CUL5: variants seen among roughly 807,000 people sequenced by gnomAD.
The protein encoded by CUL5 is cullin-5.
Under a neutral mutation model 108.8 loss-of-function variants are expected in CUL5, and 26 were observed. That is an observed-to-expected ratio of 0.24 (90% confidence interval 0.18 to 0.33). The LOEUF (loss-of-function observed/expected upper bound fraction) is 0.33. CUL5 is among the 10% of genes least tolerant of loss of function. The probability of loss-of-function intolerance (pLI) is 1.00; values close to 1 mark genes in which losing one functional copy is unlikely to be tolerated. For synonymous variants in CUL5, 334 were observed against 298.0 expected (o/e 1.12, Z -1.25); for missense variants, 524 against 909.2 (o/e 0.58, Z 5.45).
chr11:108,095,760 T>C, intron 16 of CUL5, 69 bp downstream of exon 16: 11 of 1,316,206 alleles, frequency 8.4e-6, no homozygotes, highest in Non-Finnish European at 1.2e-5. Context: ...GATTGGCTTG[T>C]AATATATTAG....
At chr11:108,073,307 T>A in intron 9 of CUL5, 83 bp from the exon 10 acceptor site, 1 of 661,044 alleles carries the variant, frequency 1.5e-6, no homozygotes, top group Middle Eastern at 3.9e-4. Flanking sequence ...TAAATGAGTT[T>A]TATTAAAATT....
chr11:108,072,588 G>T (rs1863853049), intron 9 of CUL5, 126 bp downstream of exon 9: 1 of 668,240 alleles, frequency 1.5e-6, no homozygotes, highest in Admixed American at 3.1e-5. Flanking sequence ...TTGGTTAGTG[G>T]GGTATAAAGT....
intron 2 of CUL5, among the ~76,000 whole-genome samples, chr11:108,041,794 G>T (rs548223433): frequency 6.6e-6 from 1 of 152,128 alleles, no homozygotes; most frequent in Admixed American, 6.5e-5. Flanking sequence ...GTTTCATCAT[G>T]TTGGCCAGGC....
intron 11 of CUL5, among the ~76,000 whole-genome samples, chr11:108,080,460 ATC>A (rs1395867391): frequency 1.3e-5 from 2 of 151,536 alleles, no homozygotes; most frequent in African/African-American, 4.9e-5. Context: ...CAGTGGTCTG[ATC>A]TTGTCTTACT....
chr11:108,071,851 G>A (rs1171643338), intron 8 of CUL5, among the ~76,000 whole-genome samples: 1 of 152,072 alleles, frequency 6.6e-6, no homozygotes, highest in African/African-American at 2.4e-5. Flanking sequence ...ACCACACCCA[G>A]CCTGATCACT....
chr11:108,014,536 A>G (rs1862133317), intron 1 of CUL5, among the ~76,000 whole-genome samples: 1 of 152,208 alleles, frequency 6.6e-6, no homozygotes, highest in African/African-American at 2.4e-5. Flanking sequence ...TGGCTTTTAC[A>G]CATAAATAAA....
chr11:108,027,331 G>T lies in CUL5; in HGVS notation c.25-6471G>T, dbSNP rs547882833. Among the ~76,000 whole-genome samples, 47 of 151,740 alleles carry T rather than the reference G, an allele frequency of 3.1e-4. 1 individual carries two copies. In the East Asian group the frequency reaches 9.0e-3, roughly 29 times the overall value. On this transcript the variant is annotated intron_variant, in intron 1 of 18. Coordinates refer to ENST00000393094, the MANE Select transcript of CUL5 (RefSeq NM_003478.6). ...CTGCTGTCCAGGCTGGAGTGCAGTGGCACAATCTTGGCTCACTGCAAACTC... is the reference window on the plus strand; with the variant it reads ...CTGCTGTCCAGGCTGGAGTGCAGTGTCACAATCTTGGCTCACTGCAAACTC...
intron 18 of CUL5, among the ~76,000 whole-genome samples, chr11:108,099,244 A>G (rs1259915521): frequency 1.3e-5 from 2 of 152,114 alleles, no homozygotes; most frequent in Non-Finnish European, 2.9e-5. Flanking sequence ...GGCTCAAGCA[A>G]TATGCCTCCC....
chr11:108,098,664 C>G (rs1383027195), intron 18 of CUL5, 135 bp downstream of exon 18: 4 of 507,242 alleles, frequency 7.9e-6, no homozygotes, highest in Non-Finnish European at 1.2e-5. Context: ...AATCCCAACA[C>G]TTTGGGATGC....
chr11:108,094,127 G>C (rs1002098157), intron 13 of CUL5, among the ~76,000 whole-genome samples: 2 of 152,178 alleles, frequency 1.3e-5, no homozygotes, highest in Admixed American at 1.3e-4. Context: ...GTTGAGCTTT[G>C]TTCTTGGGGA....
At chr11:108,036,664 G>C (rs755467929) in intron 2 of CUL5, among the ~76,000 whole-genome samples, 1 of 152,162 alleles carries the variant, frequency 6.6e-6, no homozygotes, top group African/African-American at 2.4e-5. Context: ...TTTCATTAGA[G>C]ACAGGTTTTC....
chr11:108,037,573 C>T (rs899866189), intron 2 of CUL5, among the ~76,000 whole-genome samples: 1 of 152,226 alleles, frequency 6.6e-6, no homozygotes, highest in African/African-American at 2.4e-5. Context: ...TTCCAAATGT[C>T]TTCTCGCAGA....
chr11:108,012,513 TC>T (rs771927062), intron 1 of CUL5, among the ~76,000 whole-genome samples: 28 of 133,792 alleles, frequency 2.1e-4, no homozygotes, highest in Non-Finnish European at 3.3e-4. Context: ...TGGTGGTATG[TC>T]CCCTCTTACT....
rs1171095402 is a variant in CUL5, at chr11:108,009,000, C to G, written c.-349C>G. 1 of 313,146 alleles carries G rather than the reference C, an allele frequency of 3.2e-6. No homozygotes were observed. Among genetic ancestry groups the G allele is most frequent in the African/African-American group, 2.2e-5 (1 of 46,378 alleles). 19.4% of individuals were successfully genotyped at this position (313,146 alleles called of 1,614,324 possible). A position where few individuals can be genotyped will look rare whatever the true frequency, so the allele number is the denominator to read the frequency against. ...CAGGTGGCCGCGGCGGGTGCAACCACAAAGGCTAATCCGAAGGAGTCGGGG... is the reference window on the plus strand; with the variant it reads ...CAGGTGGCCGCGGCGGGTGCAACCAGAAAGGCTAATCCGAAGGAGTCGGGG... On this transcript the variant is annotated 5_prime_UTR_variant, in exon 1 of 19. Coordinates refer to ENST00000393094, the MANE Select transcript of CUL5 (RefSeq NM_003478.6).
intron 2 of CUL5, among the ~76,000 whole-genome samples, chr11:108,043,622 A>G (rs1862991515): frequency 6.6e-6 from 1 of 152,240 alleles, no homozygotes; most frequent in African/African-American, 2.4e-5. Context: ...TCCTGGCTCC[A>G]CCATAAACTT....
chr11:108,043,955 G>A (rs1277507476), intron 2 of CUL5, among the ~76,000 whole-genome samples: 2 of 152,108 alleles, frequency 1.3e-5, no homozygotes, highest in Non-Finnish European at 2.9e-5. Context: ...CCCAGGAGGC[G>A]GAGGTTGCAG....
intron 1 of CUL5, among the ~76,000 whole-genome samples, chr11:108,016,295 C>G (rs1405804326): frequency 1.3e-5 from 2 of 151,986 alleles, no homozygotes; most frequent in Admixed American, 1.3e-4. Flanking sequence ...GAGACAGGGT[C>G]TCACTCTGTC....
chr11:108,083,372 T>C (rs535339608), intron 11 of CUL5, among the ~76,000 whole-genome samples: 4 of 152,344 alleles, frequency 2.6e-5, no homozygotes, highest in African/African-American at 9.6e-5. Context: ...GAGGATAATA[T>C]TGTACATTGA....
intron 11 of CUL5, among the ~76,000 whole-genome samples, chr11:108,084,551 A>G (rs1864177839): frequency 6.6e-6 from 1 of 152,344 alleles, no homozygotes; most frequent in South Asian, 2.1e-4. Flanking sequence ...GGATGAACCC[A>G]TTCTTAATGC....
Sources: allele counts gnomAD v4.1 joint callset (sites outside exome capture counted in the v4.1 genomes callset), GRCh38; gene constraint gnomAD v4.1.1; transcripts MANE v1.5; gene names NCBI Gene and HGNC (gene_info 2026-07-23, HGNC 2026-07-21).